MALT1: variants seen among roughly 807,000 people sequenced by gnomAD.
The protein encoded by MALT1 is mucosa-associated lymphoid tissue lymphoma translocation protein 1.
Under a neutral mutation model 85.5 loss-of-function variants are expected in MALT1, and 36 were observed. That is an observed-to-expected ratio of 0.42 (90% CI 0.32 to 0.56). The LOEUF is 0.56. Ranked by LOEUF, MALT1 falls within the 20% of genes least tolerant of loss-of-function variation. MALT1 has a pLI of 0.10. For synonymous variants in MALT1, 359 were observed against 361.3 expected, an observed-to-expected ratio of 0.99 and a Z score of 0.07; for missense variants, 716 against 981.6, an observed-to-expected ratio of 0.73 and a Z score of 3.62.
intron 4 of MALT1, among the ~76,000 whole-genome samples, chr18:58,706,663 G>GTGTAATAATTTGTAA (rs1568137320): frequency 6.6e-6 from 1 of 151,842 alleles, no homozygotes; most frequent in African/African-American, 2.4e-5. Context: ...ATAATTTGTA[G>GTGTAATAATTTGTAA]ACAAATTATC....
Position 58,750,628 on chromosome 18 carries a change from GAGA to G in MALT1, c.*2789_*2791del, listed in dbSNP as rs1409165382. On this transcript the variant is annotated 3_prime_UTR_variant, in exon 17 of 17. Coordinates refer to ENST00000649217, the MANE Select transcript of MALT1 (RefSeq NM_006785.4). ...AACAAGGATGCCAATACCATCAATA[GAGA>G]AGGAGTGGTCTTTTCAACAAACGGT... The G allele has an allele frequency of 6.6e-6, 1 of 152,184 alleles. No homozygotes were observed. The highest frequency in any genetic ancestry group is 1.5e-5 in the Non-Finnish European group (1 of 68,036). The allele number at this position is 152,184 out of a possible 1,614,324, so 9.4% of individuals were successfully genotyped here. A position where few individuals can be genotyped will look rare whatever the true frequency, so the allele number is the denominator to read the frequency against.
intron 2 of MALT1, among the ~76,000 whole-genome samples, chr18:58,687,489 A>G (rs925366069): frequency 2.0e-5 from 3 of 152,208 alleles, no homozygotes; most frequent in Non-Finnish European, 2.9e-5. Context: ...ACTGGGGGAA[A>G]TTGTTAGAGG....
intron 8 of MALT1, 24 bp from the exon 9 acceptor site, chr18:58,715,911 T>G: frequency 6.4e-7 from 1 of 1,569,874 alleles, no homozygotes; most frequent in Non-Finnish European, 8.7e-7. Context: ...ATCTTACATG[T>G]TTTGCTTTTT....
At chr18:58,729,469 A>G (rs1297641123) in intron 10 of MALT1, among the ~76,000 whole-genome samples, 2 of 149,512 alleles carry the variant, frequency 1.3e-5, no homozygotes, top group African/African-American at 4.9e-5. Context: ...AGCCTGGGCA[A>G]CAAGAGTGAA....
At chr18:58,721,331 G>A (rs955822682) in intron 9 of MALT1, among the ~76,000 whole-genome samples, 1 of 152,186 alleles carries the variant, frequency 6.6e-6, no homozygotes, top group Non-Finnish European at 1.5e-5. Context: ...AGTGAGCTGA[G>A]ATCATGCCAT....
Position 58,671,613 on chromosome 18 carries a change from C to T in MALT1, c.-31C>T. 5.8e-6 allele frequency: 7 copies of T among 1,204,506 alleles called. No homozygotes were observed. Among genetic ancestry groups the T allele is most frequent in the East Asian group, 3.3e-5 (1 of 29,962 alleles). The allele number at this position is 1,204,506 out of a possible 1,614,324, so 74.6% of individuals were successfully genotyped here. On this transcript the variant is annotated 5_prime_UTR_variant, in exon 1 of 17. Coordinates refer to ENST00000649217, the MANE Select transcript of MALT1 (RefSeq NM_006785.4). ...AGGCCCGTGACGGGGCGGGCGGGAG[C>T]CCCGGCAGTCCGGGGTCGCCGGCGA...
intron 4 of MALT1, among the ~76,000 whole-genome samples, chr18:58,706,718 A>G (rs1286185750): frequency 6.6e-6 from 1 of 152,192 alleles, no homozygotes; most frequent in African/African-American, 2.4e-5. Context: ...TTTTTGAAGG[A>G]TATTTTCGTC....
At chr18:58,685,989 C>A (rs1009436218) in intron 2 of MALT1, among the ~76,000 whole-genome samples, 1 of 151,928 alleles carries the variant, frequency 6.6e-6, no homozygotes, top group Non-Finnish European at 1.5e-5. Context: ...TATAGATAGA[C>A]TTAGATGTGT....
At chr18:58,698,963 C>A (rs572400090) in intron 3 of MALT1, among the ~76,000 whole-genome samples, 6 of 152,186 alleles carry the variant, frequency 3.9e-5, no homozygotes, top group African/African-American at 1.2e-4. Context: ...TAAAAGCTGC[C>A]CCACGAGGGA....
At chr18:58,697,911 G>T (rs975758882) in intron 3 of MALT1, among the ~76,000 whole-genome samples, 7 of 152,186 alleles carry the variant, frequency 4.6e-5, no homozygotes, top group Non-Finnish European at 7.3e-5. Flanking sequence ...CGCCAGTGGG[G>T]ACAGAGCAAG....
Position 58,744,437 on chromosome 18 carries a change from T to C in MALT1, c.1853T>C (p.Ile618Thr), listed in dbSNP as rs750004222. 3.1e-6 allele frequency: 5 copies of C among 1,608,400 alleles called. No individual in the cohort carries two copies. In the South Asian group the frequency reaches 5.5e-5, roughly 18 times the overall value. Reference protein sequence around the residue: ...FSNVMIIYTSIVYKPPEIIMC... With the variant: ...FSNVMIIYTSTVYKPPEIIMC... ...AATGTCATGATCATCTATACAAGTA[T>C]AGTTTACAAACCACCGGAGATAATA... is the stretch of plus-strand genomic sequence containing the variant. Residue 618 changes from isoleucine (I) to threonine (T), a missense_variant, in exon 15 of 17, where the codon ATA becomes ACA. Transcript: ENST00000649217.
Position 58,672,855 on chromosome 18 carries a change from C to CA in MALT1, c.209+1004dup, listed in dbSNP as rs2054185661. On this transcript the variant is annotated intron_variant, in intron 1 of 16. Coordinates refer to ENST00000649217, the MANE Select transcript of MALT1 (RefSeq NM_006785.4). Reference sequence around the variant, plus strand: ...ACAGAACGCTGGAAACTGCAGTGTCCACTCCTGAAAGAATGAATGAAAAAG... The same window carrying CA: ...ACAGAACGCTGGAAACTGCAGTGTCCAACTCCTGAAAGAATGAATGAAAAAG... The CA allele has an allele frequency of 1.3e-5, 2 of 152,152 alleles. 1 individual carries two copies. Among genetic ancestry groups the CA allele is most frequent in the South Asian group, 4.1e-4 (2 of 4,834 alleles). 9.4% of individuals were successfully genotyped at this position (152,152 alleles called of 1,614,324 possible). A position where few individuals can be genotyped will look rare whatever the true frequency, so the allele number is the denominator to read the frequency against.
At chr18:58,685,170 T>C (rs897551219) in intron 2 of MALT1, among the ~76,000 whole-genome samples, 4 of 152,236 alleles carry the variant, frequency 2.6e-5, no homozygotes, top group African/African-American at 9.6e-5. Context: ...ATGTTTTCTC[T>C]CTTTTTTGCA....
In MALT1 at chr18:58,671,689, G is replaced by C; in HGVS notation, c.46G>C (p.Ala16Pro). The change falls in exon 1 of 17, where the codon GCC becomes CCC. Residue 16 changes from alanine (A) to proline (P), a missense_variant. Ala to Pro is a conservative substitution (Grantham distance 27). Coordinates refer to ENST00000649217, the MANE Select transcript of MALT1 (RefSeq NM_006785.4). The part of the protein sequence containing the change: ...DPLQALPPSA[A>P]PTGPLLAPPA... ...GCTACAGGCCCTGCCGCCCTCGGCC[G>C]CCCCCACGGGGCCGCTGCTCGCCCC... 1 of 1,251,532 alleles carries C rather than the reference G, an allele frequency of 8.0e-7. No homozygotes were observed. Among genetic ancestry groups the C allele is most frequent in the Non-Finnish European group, 1.0e-6 (1 of 999,598 alleles). The allele number at this position is 1,251,532 out of a possible 1,614,324, so 77.5% of individuals were successfully genotyped here.
At position 58,749,878 on chromosome 18, in the gene MALT1, T is replaced by TAAA. The variant is rs900449840; in HGVS notation, c.*2036_*2037insAAA. 1.9e-5 allele frequency: 4 copies of TAAA among 211,196 alleles called. No individual in the cohort carries two copies. The highest frequency in any genetic ancestry group is 3.8e-5 in the Non-Finnish European group (4 of 104,058). The allele number at this position is 211,196 out of a possible 1,614,324, so 13.1% of individuals were successfully genotyped here. A position where few individuals can be genotyped will look rare whatever the true frequency, so the allele number is the denominator to read the frequency against. On this transcript the variant is annotated 3_prime_UTR_variant, in exon 17 of 17. Coordinates refer to ENST00000649217, the MANE Select transcript of MALT1 (RefSeq NM_006785.4). ...TCATGGTGATAGACTGAAGGCTGAA[T>TAAA]GTTTTCCCCTTAAGATTGGGAAGAA...
chr18:58,744,522 C>T (rs770023368), intron 15 of MALT1, 27 bp downstream of exon 15: 5 of 1,524,014 alleles, frequency 3.3e-6, no homozygotes, highest in South Asian at 2.4e-5. Flanking sequence ...ATTTAAAATA[C>T]AGTGATATAT....
chr18:58,727,528 C>CT (rs1462608934), intron 10 of MALT1, among the ~76,000 whole-genome samples: 3 of 151,594 alleles, frequency 2.0e-5, no homozygotes, highest in Non-Finnish European at 2.9e-5. Context: ...TGGTCTCGCT[C>CT]TATCTCCTGA....
At chr18:58,734,454 C>CTCCTAAAA in intron 12 of MALT1, 73 bp downstream of exon 12, 1 of 1,199,890 alleles carries the variant, frequency 8.3e-7, no homozygotes, top group Non-Finnish European at 1.2e-6. Flanking sequence ...TTTTTAGGAG[C>CTCCTAAAA]AGGGGTCTTA....
chr18:58,746,789 G>A (rs1053195847), intron 16 of MALT1, among the ~76,000 whole-genome samples: 28 of 151,612 alleles, frequency 1.8e-4, no homozygotes, highest in Non-Finnish European at 2.4e-4. Context: ...ATGCAGTGGC[G>A]CGATCTCAGC....
Sources: gnomAD v4.1 joint callset for allele counts (sites outside exome capture counted in the v4.1 genomes callset) on GRCh38, gnomAD v4.1.1 for gene constraint, MANE v1.5 for transcripts, NCBI Gene and HGNC (gene_info 2026-07-23, HGNC 2026-07-21) for gene names.